The following CCDC171 variants were observed in gnomAD, a reference collection of about 807,000 sequenced individuals.
CCDC171 encodes the protein coiled-coil domain containing 171, also known as coiled-coil domain-containing protein 171.
A neutral mutation model predicts 168.2 loss-of-function variants in CCDC171; 177 were observed. The ratio of observed to expected loss-of-function variants is 1.05; its 90% CI spans 0.93 to 1.19. The LOEUF (loss-of-function observed/expected upper bound fraction) is 1.19. Ranked by LOEUF, CCDC171 falls within the 50% of genes most tolerant of loss-of-function variation. The pLI, the probability that CCDC171 is intolerant of heterozygous loss-of-function variation, is 0.00. For synonymous variants in CCDC171, 687 were observed against 540.8 expected, an observed-to-expected ratio of 1.27 and a Z score of -3.75; for missense variants, 1,991 against 1,539.0, an observed-to-expected ratio of 1.29 and a Z score of -4.91.
intron 9 of CCDC171, 103 bp from the exon 10 acceptor site, chr9:15,678,655 G>A: frequency 1.1e-6 from 1 of 894,586 alleles, no homozygotes; most frequent in Admixed American, 3.3e-5. Flanking sequence ...CTTTTAGCAT[G>A]AACACATGAT....
chr9:16,106,113 C>T, the CCDC171 span, among the ~76,000 whole-genome samples: 5 of 152,138 alleles, frequency 3.3e-5, no homozygotes, highest in African/African-American at 7.2e-5. Context: ...AGAGGGATTC[C>T]GGGGACAGTG....
the CCDC171 span, among the ~76,000 whole-genome samples, chr9:16,106,852 T>A: frequency 2.0e-4 from 30 of 152,298 alleles, no homozygotes; most frequent in African/African-American, 7.2e-4. Context: ...AGGGTTTTCC[T>A]GCAAGACTTG....
chr9:15,599,088 T>C (rs1033187844), intron 6 of CCDC171, among the ~76,000 whole-genome samples: 1 of 152,196 alleles, frequency 6.6e-6, no homozygotes, highest in African/African-American at 2.4e-5. Context: ...CTGATGGGCC[T>C]TGACTCTTTA....
At chr9:15,906,703 T>C (rs908630015) in intron 24 of CCDC171, among the ~76,000 whole-genome samples, 11 of 152,214 alleles carry the variant, frequency 7.2e-5, no homozygotes, top group Non-Finnish European at 1.3e-4. Context: ...AAATAAAGGG[T>C]ATTCAATGAG....
intron 3 of CCDC171, among the ~76,000 whole-genome samples, chr9:15,987,474 A>C (rs1322660667): frequency 6.6e-6 from 1 of 152,188 alleles, no homozygotes; most frequent in Non-Finnish European, 1.5e-5. Flanking sequence ...AAAAAAAAGC[A>C]TGAAAAAGAT....
At chr9:16,046,023 T>C (rs1461900065) in intron 1 of CCDC171, among the ~76,000 whole-genome samples, 1 of 152,208 alleles carries the variant, frequency 6.6e-6, no homozygotes, top group Non-Finnish European at 1.5e-5. Context: ...ATCAGCCCTG[T>C]GACAGAAGTC....
intron 23 of CCDC171, among the ~76,000 whole-genome samples, chr9:15,864,694 A>C (rs187699457): frequency 5.6e-4 from 85 of 152,242 alleles, no homozygotes; most frequent in African/African-American, 1.9e-3. Flanking sequence ...TGCCTAGATG[A>C]GTAGGATAAT....
intron 6 of CCDC171, among the ~76,000 whole-genome samples, chr9:15,597,433 G>A (rs1425528640): frequency 1.3e-5 from 2 of 152,112 alleles, no homozygotes; most frequent in Non-Finnish European, 1.5e-5. Flanking sequence ...TTCTGTTTAT[G>A]TGATGGATTA....
chr9:15,677,926 A>ATATATATATATAG (rs1554754419), intron 9 of CCDC171, among the ~76,000 whole-genome samples: 1 of 28,240 alleles, frequency 3.5e-5, no homozygotes, highest in Non-Finnish European at 5.7e-5. Context: ...ATATATATAT[A>ATATATATATATAG]AGAGATGTGG....
intron 4 of CCDC171, among the ~76,000 whole-genome samples, chr9:15,585,004 C>A (rs922649208): frequency 6.6e-6 from 1 of 152,152 alleles, no homozygotes; most frequent in African/African-American, 2.4e-5. Context: ...TGCGTAACCT[C>A]ACTTATTGTC....
intron 10 of CCDC171, among the ~76,000 whole-genome samples, chr9:15,693,387 C>G (rs1465743796): frequency 6.6e-6 from 1 of 151,868 alleles, no homozygotes; most frequent in African/African-American, 2.4e-5. Context: ...CTGTTGATAA[C>G]ATGCTATAAT....
chr9:15,948,439 C>G (rs1437931850), intron 25 of CCDC171, among the ~76,000 whole-genome samples: 1 of 144,158 alleles, frequency 6.9e-6, no homozygotes, highest in Non-Finnish European at 1.5e-5. Flanking sequence ...TACAGTCCCA[C>G]CAACAGTGTA....
chr9:15,911,951 C>T (rs1823718791), intron 24 of CCDC171, among the ~76,000 whole-genome samples: 1 of 152,132 alleles, frequency 6.6e-6, no homozygotes, highest in South Asian at 2.1e-4. Flanking sequence ...GTTACTGTAG[C>T]CTTGTGGTAT....
At chr9:16,023,640 C>G (rs976176630) in intron 6 of CCDC171, among the ~76,000 whole-genome samples, 3 of 152,108 alleles carry the variant, frequency 2.0e-5, no homozygotes, top group Admixed American at 1.3e-4. Flanking sequence ...GGGAGACTTC[C>G]AGAATAAACA....
chr9:15,872,381 A>G (rs1288660786), intron 23 of CCDC171, among the ~76,000 whole-genome samples: 1 of 152,102 alleles, frequency 6.6e-6, no homozygotes. Flanking sequence ...AATGTGGCTT[A>G]CTGTTCACTG....
At chr9:15,718,711 C>A (rs1564278001) in intron 11 of CCDC171, among the ~76,000 whole-genome samples, 1 of 152,208 alleles carries the variant, frequency 6.6e-6, no homozygotes, top group Non-Finnish European at 1.5e-5. Context: ...TTATCAAGAC[C>A]ACAAAGGTGG....
chr9:15,645,237 T>C (rs1215950153), intron 7 of CCDC171, among the ~76,000 whole-genome samples: 1 of 152,126 alleles, frequency 6.6e-6, no homozygotes, highest in Non-Finnish European at 1.5e-5. Context: ...ACCCCATCTG[T>C]ATGTCACCAT....
chr9:16,013,898 C>G (rs574065987), intron 3 of CCDC171, among the ~76,000 whole-genome samples: 1 of 152,162 alleles, frequency 6.6e-6, no homozygotes, highest in Non-Finnish European at 1.5e-5. Context: ...AGCTTGTAAT[C>G]TTTTCACTGG....
At chr9:15,556,921 GGT>G (rs2132410042) in intron 1 of CCDC171, among the ~76,000 whole-genome samples, 1 of 152,212 alleles carries the variant, frequency 6.6e-6, no homozygotes, top group African/African-American at 2.4e-5. Flanking sequence ...TTTTGTGTAA[GGT>G]ATAAGGAAGG....
Sources: gnomAD v4.1 joint callset for allele counts (sites outside exome capture counted in the v4.1 genomes callset) on GRCh38, gnomAD v4.1.1 for gene constraint, MANE v1.5 for transcripts, NCBI Gene and HGNC (gene_info 2026-07-23, HGNC 2026-07-21) for gene names.